The following SCN8A variants were observed in gnomAD, a reference collection of about 807,000 sequenced individuals.
SCN8A encodes sodium voltage-gated channel alpha subunit 8.
SCN8A carries 30 observed loss-of-function variants against 184.1 expected under a neutral mutation model. The ratio of observed to expected loss-of-function variants is 0.16; its 90% CI spans 0.12 to 0.22. SCN8A has a LOEUF of 0.22. Ranked by LOEUF, SCN8A falls within the 10% of genes least tolerant of loss-of-function variation. The pLI is 1.00. For missense variants in SCN8A, 1,057 were observed against 2,498.9 expected, an observed-to-expected ratio of 0.42 and a Z score of 12.30; for synonymous variants, 852 against 907.0, an observed-to-expected ratio of 0.94 and a Z score of 1.09.
chr12:51,723,264 A>C (rs935771302), intron 12 of SCN8A: 1 of 151,894 alleles, frequency 6.6e-6, no homozygotes, highest in African/African-American at 2.4e-5. Flanking sequence ...AAAGAGGATC[A>C]CATGAAACCA....
chr12:51,614,142 A>G (rs961340714), intron 1 of SCN8A, among the ~76,000 whole-genome samples: 1 of 152,108 alleles, frequency 6.6e-6, no homozygotes, highest in African/African-American at 2.4e-5. Context: ...TAAGAAAGGA[A>G]AATTGACTAT....
intron 2 of SCN8A, among the ~76,000 whole-genome samples, chr12:51,663,903 ATT>A (rs796653928): frequency 0.023 from 1,594 of 69,736 alleles, 16 homozygotes; most frequent in African/African-American, 0.07. Flanking sequence ...CATTTGACAG[ATT>A]TTTTTTTTTT....
intron 21 of SCN8A, 25 bp downstream of exon 21, chr12:51,780,796 C>T (rs1937895703): frequency 6.4e-7 from 1 of 1,558,628 alleles, no homozygotes; most frequent in East Asian, 2.4e-5. Context: ...GCAGCTGATC[C>T]TTCTGCATGC....
intron 1 of SCN8A, among the ~76,000 whole-genome samples, chr12:51,653,144 A>G (rs1256363086): frequency 2.0e-5 from 3 of 152,178 alleles, no homozygotes; most frequent in Non-Finnish European, 2.9e-5. Context: ...ACAAGGTGAA[A>G]CCCAGTCTCT....
In SCN8A at chr12:51,807,947, C is replaced by T. The variant is rs980180185; in HGVS notation, c.*518C>T. The T allele has an allele frequency of 3.0e-5, 5 of 168,662 alleles. No homozygotes were observed. The highest frequency in any genetic ancestry group is 1.5e-4 in the East Asian group (1 of 6,454). The allele number at this position is 168,662 out of a possible 1,614,324, so 10.4% of individuals were successfully genotyped here. ...AATTGTCAGTTTCTTTGACATAAAG[C>T]GCATCTTCTCCACATGGGCTTCACG... On this transcript the variant is annotated 3_prime_UTR_variant, in exon 27 of 27. Coordinates refer to ENST00000627620, the MANE Select transcript of SCN8A (RefSeq NM_001330260.2). The surrounding 1 kb of genome is among the most constrained non-coding windows in gnomAD (Gnocchi z 4.5).
chr12:51,662,832 G>A lies in SCN8A; in HGVS notation c.15G>A (p.Leu5=), dbSNP rs757637034. 1.2e-6 allele frequency: 2 copies of A among 1,613,810 alleles called. No homozygotes were observed. Among genetic ancestry groups the A allele is most frequent in the Non-Finnish European group, 1.7e-6 (2 of 1,179,796 alleles). ...AGGATGAGAAGATGGCAGCGCGGCT[G>A]CTTGCACCACCAGGCCCTGATAGTT... MAAR[L]LAPPGPDSFK... Residue 5 remains leucine, a synonymous_variant, in exon 2 of 27, where the codon CTG becomes CTA. Transcript: ENST00000627620.
In SCN8A at chr12:51,747,089, A is replaced by ATGTGTGTGTGTGTG. The variant is rs60490453; in HGVS notation, c.2131+1084_2131+1097dup. On this transcript the variant is annotated intron_variant, in intron 13 of 26. Transcript: ENST00000627620. ...CCAGTGCCACTTCTACTCTGTGTGT[A>ATGTGTGTGTGTGTG]TGTGTGTGTGTGTGTGTGTGTGTGT... Among the ~76,000 whole-genome samples, 117 of 81,310 alleles carry ATGTGTGTGTGTGTG rather than the reference A, an allele frequency of 1.4e-3. 1 individual carries two copies. The highest frequency in any genetic ancestry group is 4.2e-3 in the African/African-American group (101 of 24,118). 53.3% of individuals were successfully genotyped at this position (81,310 alleles called of 152,430 possible).
intron 3 of SCN8A, 85 bp from the exon 4 acceptor site, chr12:51,686,283 T>G (rs1941417889): frequency 3.8e-6 from 3 of 796,314 alleles, no homozygotes; most frequent in Admixed American, 4.4e-5. Flanking sequence ...TTGATTTAGA[T>G]CTGATACCCA....
intron 6 of SCN8A, among the ~76,000 whole-genome samples, chr12:51,697,685 A>G (rs906663471): frequency 6.6e-6 from 1 of 152,236 alleles, no homozygotes; most frequent in African/African-American, 2.4e-5. Context: ...TAGGTATTTT[A>G]TATAAATTAT....
At chr12:51,789,761 G>A (rs146204807) in intron 24 of SCN8A, among the ~76,000 whole-genome samples, 581 of 152,346 alleles carry the variant, frequency 3.8e-3, no homozygotes, top group South Asian at 4.8e-3. Context: ...AGTAGAAACT[G>A]TCTAGACTTG....
chr12:51,616,206 G>A (rs1418171065), intron 1 of SCN8A, among the ~76,000 whole-genome samples: 7 of 152,124 alleles, frequency 4.6e-5, no homozygotes, highest in African/African-American at 2.4e-5. Flanking sequence ...CAGTCTGCTA[G>A]TGATGAATTA....
At chr12:51,773,644 C>T (rs1401534261) in intron 19 of SCN8A, among the ~76,000 whole-genome samples, 1 of 152,322 alleles carries the variant, frequency 6.6e-6, no homozygotes, top group Non-Finnish European at 1.5e-5. Flanking sequence ...TCAGCAATTC[C>T]ATTCCTGGGC....
chr12:51,660,692 T>C (rs1940908730), intron 1 of SCN8A, among the ~76,000 whole-genome samples: 1 of 152,236 alleles, frequency 6.6e-6, no homozygotes, highest in Non-Finnish European at 1.5e-5. Context: ...CTTTATCTGT[T>C]AAGTGGTGAT....
rs751585098 is a variant in SCN8A at position 51,706,407 on chromosome 12, T to C, written c.1342-15T>C. The C allele has an allele frequency of 5.5e-5, 85 of 1,542,308 alleles. No homozygotes were observed. The highest frequency in any genetic ancestry group is 6.9e-5 in the Non-Finnish European group (79 of 1,147,948). On this transcript the variant is annotated splice_polypyrimidine_tract_variant and intron_variant, in intron 10 of 26. Coordinates refer to ENST00000627620, the MANE Select transcript of SCN8A (RefSeq NM_001330260.2). ...TTGCCCTGGTCTGGCTTCCCTGCTG[T>C]GGCTTCTTTCCTAGGCTGCTGCGAT...
intron 1 of SCN8A, among the ~76,000 whole-genome samples, chr12:51,626,665 G>A (rs981883434): frequency 6.6e-6 from 1 of 151,960 alleles, no homozygotes; most frequent in Non-Finnish European, 1.5e-5. Flanking sequence ...AATAGAGTAT[G>A]TTTCTCTTCC....
chr12:51,683,356 G>A (rs1304952110), intron 2 of SCN8A, among the ~76,000 whole-genome samples: 1 of 152,208 alleles, frequency 6.6e-6, no homozygotes, highest in Non-Finnish European at 1.5e-5. Context: ...ATGAGAACCT[G>A]TTCCGAGGAC....
chr12:51,780,004 G>A (rs540838335), intron 20 of SCN8A, among the ~76,000 whole-genome samples: 1 of 136,260 alleles, frequency 7.3e-6, no homozygotes, highest in South Asian at 2.4e-4. Context: ...ACAGTTCTTG[G>A]GAACTGCAAG....
At chr12:51,594,825 TGTAAA>T (rs1332600732) in intron 1 of SCN8A, among the ~76,000 whole-genome samples, 1 of 152,148 alleles carries the variant, frequency 6.6e-6, no homozygotes, top group African/African-American at 2.4e-5. Context: ...AAGAAGCGCT[TGTAAA>T]GTTATCCAGA....
At chr12:51,659,086 A>C (rs1477371336) in intron 1 of SCN8A, among the ~76,000 whole-genome samples, 1 of 152,246 alleles carries the variant, frequency 6.6e-6, no homozygotes, top group African/African-American at 2.4e-5. Flanking sequence ...TAAACAACTT[A>C]GATGCCCATC....
Sources: gnomAD v4.1 joint callset for allele counts (sites outside exome capture counted in the v4.1 genomes callset) on GRCh38, gnomAD v4.1.1 for gene constraint, Gnocchi (gnomAD v3.1) non-coding constraint, MANE v1.5 for transcripts, NCBI Gene and HGNC (gene_info 2026-07-23, HGNC 2026-07-21) for gene names.